JMJD1C: variants seen among roughly 807,000 people sequenced by gnomAD.
JMJD1C encodes the protein jumonji domain-containing protein 1C.
Under a neutral mutation model 245.3 loss-of-function variants are expected in JMJD1C, and 31 were observed. The ratio of observed to expected loss-of-function variants is 0.13; its 90% CI spans 0.09 to 0.17. JMJD1C has a LOEUF of 0.17. JMJD1C is among the 10% of genes least tolerant of loss of function. JMJD1C has a pLI of 1.00. For synonymous variants in JMJD1C, 1,057 were observed against 1,017.4 expected (o/e 1.04, Z -0.74); for missense variants, 2,691 against 3,000.2 (o/e 0.90, Z 2.41).
intron 1 of JMJD1C, among the ~76,000 whole-genome samples, chr10:63,507,657 A>AAAAAAAAAAAAAAAAAAAAAAAAC (rs1187173031): frequency 6.7e-6 from 1 of 150,056 alleles, no homozygotes; most frequent in African/African-American, 2.5e-5. Context: ...AAAAAAAAAA[A>AAAAAAAAAAAAAAAAAAAAAAAAC]AAAAAACAGT....
chr10:63,324,550 A>C (rs1941303079), intron 2 of JMJD1C, among the ~76,000 whole-genome samples: 1 of 152,210 alleles, frequency 6.6e-6, no homozygotes, highest in Non-Finnish European at 1.5e-5. Context: ...TAGAGGAAAG[A>C]AAGATTCAGA....
rs1244885178 is a variant in JMJD1C at position 63,337,590 on chromosome 10, AAAG to A, written c.333+42725_333+42727del. ...AAAGAAAAGAAAAGAAAAGAAAAGA[AAAG>A]AAAAGAAAAGAAAAGAAAAGAAAAG... On this transcript the variant is annotated intron_variant, in intron 2 of 25. Coordinates refer to ENST00000399262, the MANE Select transcript of JMJD1C (RefSeq NM_032776.3). Among the ~76,000 whole-genome samples the A allele has an allele frequency of 3.7e-4, 39 of 106,284 alleles. 3 individuals are homozygous for A. Among genetic ancestry groups the A allele is most frequent in the African/African-American group, 2.3e-3 (39 of 17,168 alleles). The allele number at this position is 106,284 out of a possible 152,430, so 69.7% of individuals were successfully genotyped here.
At chr10:63,267,448 G>A (rs939272322) in intron 2 of JMJD1C, among the ~76,000 whole-genome samples, 1 of 152,014 alleles carries the variant, frequency 6.6e-6, no homozygotes, top group Non-Finnish European at 1.5e-5. Flanking sequence ...TCCTACAGCT[G>A]GTATGATGAA....
chr10:63,251,594 T>C (rs1436763423), intron 3 of JMJD1C, among the ~76,000 whole-genome samples: 1 of 152,128 alleles, frequency 6.6e-6, no homozygotes, highest in African/African-American at 2.4e-5. Flanking sequence ...GAAAACACCA[T>C]AGTATCTAAA....
intron 2 of JMJD1C, among the ~76,000 whole-genome samples, chr10:63,292,733 A>G (rs1589404238): frequency 1.3e-5 from 2 of 151,978 alleles, no homozygotes; most frequent in South Asian, 2.1e-4. Context: ...GTCACCTACC[A>G]TTCTTAATGT....
intron 2 of JMJD1C, among the ~76,000 whole-genome samples, chr10:63,329,185 G>A (rs1410649650): frequency 6.6e-6 from 1 of 151,956 alleles, no homozygotes; most frequent in African/African-American, 2.4e-5. Flanking sequence ...AGGAGACTGA[G>A]GTGGGAGAAT....
At chr10:63,270,771 T>C (rs539644152) in intron 2 of JMJD1C, among the ~76,000 whole-genome samples, 4 of 152,228 alleles carry the variant, frequency 2.6e-5, no homozygotes, top group Admixed American at 6.5e-5. Context: ...ACAGGCCTTA[T>C]AGTAATTTCT....
At position 63,493,678 on chromosome 10, in the gene JMJD1C, A is replaced by T. The variant is rs185837060; in HGVS notation, n.113+28060T>A. On this transcript the variant is annotated intron_variant and non_coding_transcript_variant, in intron 1 of 3. Coordinates refer to the JMJD1C transcript ENST00000633035. ...CTAATTTTTGAAAGTACATATTATT[A>T]GATAATAAATTCAACAGCACCTAAA... Among the ~76,000 whole-genome samples the T allele has an allele frequency of 7.7e-4, 117 of 152,342 alleles. 3 individuals are homozygous for T. In the East Asian group the frequency reaches 0.022, roughly 29 times the overall value.
chr10:63,204,741 G>A (rs1846399123), intron 10 of JMJD1C: 1 of 985,304 alleles, frequency 1.0e-6, no homozygotes, highest in South Asian at 4.7e-5. Flanking sequence ...TTGCATTTCA[G>A]TCTGTCAGTC....
At chr10:63,361,989 T>C (rs1945393927) in intron 2 of JMJD1C, among the ~76,000 whole-genome samples, 1 of 152,024 alleles carries the variant, frequency 6.6e-6, no homozygotes, top group African/African-American at 2.4e-5. Flanking sequence ...ATCCCAGCAC[T>C]TTGGGAGGCC....
chr10:63,500,108 AC>A (rs1251730069), intron 1 of JMJD1C, among the ~76,000 whole-genome samples: 4 of 152,224 alleles, frequency 2.6e-5, no homozygotes, highest in Non-Finnish European at 5.9e-5. Context: ...GTTATTTAGA[AC>A]AGTCCATAAT....
chr10:63,210,937 G>T (rs1589157018), intron 8 of JMJD1C, among the ~76,000 whole-genome samples: 1 of 152,162 alleles, frequency 6.6e-6, no homozygotes, highest in African/African-American at 2.4e-5. Context: ...GTGATCAATG[G>T]CAGCATAATT....
At chr10:63,434,887 G>A (rs906647625) in intron 1 of JMJD1C, among the ~76,000 whole-genome samples, 2 of 152,034 alleles carry the variant, frequency 1.3e-5, no homozygotes, top group African/African-American at 4.8e-5. Context: ...TAATTTACAG[G>A]GCACTGAAAA....
rs560776053 is a variant in JMJD1C at position 63,184,075 on chromosome 10, C to T, written c.6962-506G>A. On this transcript the variant is annotated intron_variant, in intron 21 of 25. Coordinates refer to ENST00000399262, the MANE Select transcript of JMJD1C (RefSeq NM_032776.3). ...CCTGATAGCTGGGACTACAGGTACA[C>T]GCTACCACACCCAGCTAATTTTTCT... Among the ~76,000 whole-genome samples the T allele has an allele frequency of 2.7e-5, 4 of 150,576 alleles. No homozygotes were observed. In the East Asian group the frequency reaches 5.9e-4, roughly 22 times the overall value.
At chr10:63,242,600 C>T (rs1234164059) in intron 3 of JMJD1C, among the ~76,000 whole-genome samples, 2 of 152,176 alleles carry the variant, frequency 1.3e-5, no homozygotes, top group Admixed American at 6.5e-5. Context: ...GTGGCACATG[C>T]CTGCAGTCCC....
chr10:63,262,830 C>G (rs1046506556), intron 3 of JMJD1C, among the ~76,000 whole-genome samples: 10 of 148,248 alleles, frequency 6.7e-5, no homozygotes, highest in African/African-American at 1.7e-4. Context: ...GTACCCCCCC[C>G]ACTCTCCCCC....
At chr10:63,234,004 A>C (rs1317737634) in intron 3 of JMJD1C, among the ~76,000 whole-genome samples, 2 of 152,270 alleles carry the variant, frequency 1.3e-5, no homozygotes, top group East Asian at 1.9e-4. Flanking sequence ...AAGTTTCAAC[A>C]AAAAATGCAA....
Position 63,184,598 on chromosome 10 carries a change from A to G in JMJD1C, c.6961+10T>C. The G allele has an allele frequency of 6.3e-7, 1 of 1,587,450 alleles. No homozygotes were observed. Among genetic ancestry groups the G allele is most frequent in the Non-Finnish European group, 8.5e-7 (1 of 1,172,832 alleles). On this transcript the variant is annotated intron_variant, in intron 21 of 25. Transcript: ENST00000399262. ...ATTCCTACATGGGAGAAATGTGAAT[A>G]TATACCTACCATAGGCACTGCACAA...
intron 1 of JMJD1C, among the ~76,000 whole-genome samples, chr10:63,458,127 G>C (rs1047076215): frequency 6.6e-6 from 1 of 152,156 alleles, no homozygotes; most frequent in African/African-American, 2.4e-5. Flanking sequence ...GTAAAGACCA[G>C]TTGTAAAACT....
Sources: gnomAD v4.1 joint callset for allele counts (sites outside exome capture counted in the v4.1 genomes callset) on GRCh38, gnomAD v4.1.1 for gene constraint, MANE v1.5 for transcripts, NCBI Gene and HGNC (gene_info 2026-07-23, HGNC 2026-07-21) for gene names.